Variants in GNS observed in about 807,000 individuals in gnomAD.
The protein encoded by GNS is glucosamine (N-acetyl)-6-sulfatase, also known as N-acetylglucosamine-6-sulfatase.
GNS carries 40 observed loss-of-function variants against 69.7 expected under a neutral mutation model. That is an observed-to-expected ratio of 0.57 (90% CI 0.45 to 0.75). The LOEUF (loss-of-function observed/expected upper bound fraction) is 0.75. Ranked by LOEUF, GNS falls within the 30% of genes least tolerant of loss-of-function variation. GNS has a pLI of 0.00. For synonymous variants in GNS, 243 were observed against 251.6 expected (o/e 0.97, Z 0.32); for missense variants, 565 against 685.5 (o/e 0.82, Z 1.96).
In GNS at chr12:64,739,502, G is replaced by T; in HGVS notation, c.876-3C>A. 1 of 1,445,148 alleles carries T rather than the reference G, an allele frequency of 6.9e-7. No individual in the cohort carries two copies. The highest frequency in any genetic ancestry group is 9.7e-7 in the Non-Finnish European group (1 of 1,027,404). 89.5% of individuals were successfully genotyped at this position (1,445,148 alleles called of 1,614,324 possible). A position where few individuals can be genotyped will look rare whatever the true frequency, so the allele number is the denominator to read the frequency against. ...CAACTGAGAGGAGAGTTTGCCACCT[G>T]GATGTGAACAGAAGGTAGAAATGGG... On this transcript the variant is annotated splice_polypyrimidine_tract_variant and splice_region_variant and intron_variant, in intron 7 of 13. Transcript: ENST00000258145.
intron 12 of GNS, among the ~76,000 whole-genome samples, chr12:64,721,061 G>C (rs1869012105): frequency 6.6e-6 from 1 of 152,188 alleles, no homozygotes; most frequent in South Asian, 2.1e-4. Flanking sequence ...TTGCCAGATG[G>C]GGCAGGTGAG....
At chr12:64,759,053 A>T (rs941781755) in intron 1 of GNS, 32 bp downstream of exon 1, 2 of 1,522,712 alleles carry the variant, frequency 1.3e-6, no homozygotes, top group South Asian at 2.4e-5. Flanking sequence ...AGCCCAAGAG[A>T]TAGAGGGGCG....
intron 9 of GNS, among the ~76,000 whole-genome samples, chr12:64,731,677 T>C (rs1477885674): frequency 1.3e-5 from 2 of 152,224 alleles, no homozygotes; most frequent in Non-Finnish European, 2.9e-5. Flanking sequence ...CTACCTCTGG[T>C]TTTTATATAA....
chr12:64,747,932 GA>G lies in GNS; in HGVS notation c.253-15del, dbSNP rs774144462. On this transcript the variant is annotated splice_polypyrimidine_tract_variant and intron_variant, in intron 2 of 13. Transcript: ENST00000258145. ...ACTTGGCACATACTACAAAGGAAAG[GA>G]AGCAAAAACGACAAAGTCACACAAG... The G allele has an allele frequency of 6.8e-7, 1 of 1,479,746 alleles. No individual in the cohort carries two copies. Among genetic ancestry groups the G allele is most frequent in the Non-Finnish European group, 9.4e-7 (1 of 1,058,718 alleles). The allele number at this position is 1,479,746 out of a possible 1,614,324, so 91.7% of individuals were successfully genotyped here. A position where few individuals can be genotyped will look rare whatever the true frequency, so the allele number is the denominator to read the frequency against.
At chr12:64,753,812 A>C (rs1375216252) in intron 1 of GNS, among the ~76,000 whole-genome samples, 1 of 152,226 alleles carries the variant, frequency 6.6e-6, no homozygotes, top group Non-Finnish European at 1.5e-5. Flanking sequence ...GTAGATCCAG[A>C]AGAGGCTGCC....
intron 1 of GNS, among the ~76,000 whole-genome samples, chr12:64,754,948 CA>C (rs1870202070): frequency 6.6e-6 from 1 of 150,904 alleles, no homozygotes; most frequent in African/African-American, 2.4e-5. Context: ...AACTATAGTA[CA>C]AAAGACAACC....
At chr12:64,734,653 C>A (rs1465873948) in intron 9 of GNS, among the ~76,000 whole-genome samples, 1 of 152,206 alleles carries the variant, frequency 6.6e-6, no homozygotes, top group South Asian at 2.1e-4. Context: ...TCTGGGCCTT[C>A]GCATTTACCG....
intron 10 of GNS, 53 bp downstream of exon 10, chr12:64,728,903 C>T (rs1869295241): frequency 1.2e-6 from 1 of 848,730 alleles, no homozygotes; most frequent in Non-Finnish European, 2.1e-6. Flanking sequence ...CTTTACACAA[C>T]CCAGAATTTA....
intron 2 of GNS, among the ~76,000 whole-genome samples, chr12:64,749,572 T>C (rs1444825923): frequency 6.6e-6 from 1 of 152,180 alleles, no homozygotes; most frequent in African/African-American, 2.4e-5. Flanking sequence ...TTTTAAAAAA[T>C]GGTGAGGAGG....
chr12:64,759,062 C>T (rs1179770908), intron 1 of GNS, 23 bp downstream of exon 1: 3 of 1,540,468 alleles, frequency 1.9e-6, no homozygotes, highest in Non-Finnish European at 2.6e-6. Context: ...GATAGAGGGG[C>T]GGGGCAGAAA....
At chr12:64,719,165 C>T (rs1183462983) in intron 13 of GNS, among the ~76,000 whole-genome samples, 1 of 152,170 alleles carries the variant, frequency 6.6e-6, no homozygotes, top group Non-Finnish European at 1.5e-5. Flanking sequence ...AGTCTATCAT[C>T]GAGTTTTTCT....
intron 6 of GNS, among the ~76,000 whole-genome samples, chr12:64,741,063 A>AACTTTACCTTCCTCTAAGTTGCTTTTTTT (rs1869716087): frequency 4.2e-5 from 6 of 142,844 alleles, no homozygotes; most frequent in Non-Finnish European, 4.5e-5. Flanking sequence ...ATGGGCAAAT[A>AACTTTACCTTCCTCTAAGTTGCTTTTTTT]GGGCGTAGTG....
At chr12:64,753,228 A>C (rs1187773382) in intron 1 of GNS, among the ~76,000 whole-genome samples, 1 of 152,072 alleles carries the variant, frequency 6.6e-6, no homozygotes, top group Non-Finnish European at 1.5e-5. Context: ...CCAGACACAC[A>C]CTGTTCAACT....
chr12:64,740,352 G>T (rs1053116319), intron 7 of GNS, among the ~76,000 whole-genome samples: 1 of 152,124 alleles, frequency 6.6e-6, no homozygotes, highest in African/African-American at 2.4e-5. Context: ...CTACCACATG[G>T]TTCAAGTTTG....
intron 11 of GNS, among the ~76,000 whole-genome samples, chr12:64,722,028 CTT>C (rs879925471): frequency 8.4e-5 from 12 of 143,148 alleles, no homozygotes; most frequent in Admixed American, 2.1e-4. Flanking sequence ...TGACTCCTTT[CTT>C]TTTTTTTTTT....
Position 64,752,698 on chromosome 12 carries a change from A to G in GNS, c.252T>C (p.Ala84=). 1 of 1,456,076 alleles carries G rather than the reference A, an allele frequency of 6.9e-7. No individual in the cohort carries two copies. Among genetic ancestry groups the G allele is most frequent in the Non-Finnish European group, 9.6e-7 (1 of 1,037,750 alleles). The allele number at this position is 1,456,076 out of a possible 1,614,324, so 90.2% of individuals were successfully genotyped here. A position where few individuals can be genotyped will look rare whatever the true frequency, so the allele number is the denominator to read the frequency against. ...AAATTGAATTAACTTTCAAACTTAC[A>G]GCACTGGAAAAAGTCATCCCCATCT... ...IGEMGMTFSS[A]YVPSALCCPS... The change falls in exon 2 of 14, where the codon GCT becomes GCC. Residue 84 remains alanine (A), a splice_region_variant and synonymous_variant. Coordinates refer to ENST00000258145, the MANE Select transcript of GNS (RefSeq NM_002076.4).
chr12:64,757,469 G>A (rs977790269), intron 1 of GNS, among the ~76,000 whole-genome samples: 1 of 152,152 alleles, frequency 6.6e-6, no homozygotes, highest in Non-Finnish European at 1.5e-5. Context: ...AAGTGCAGTA[G>A]TTGGAAGAGT....
chr12:64,758,056 AT>A (rs1870316136), intron 1 of GNS, among the ~76,000 whole-genome samples: 1 of 152,166 alleles, frequency 6.6e-6, no homozygotes, highest in Non-Finnish European at 1.5e-5. Flanking sequence ...CTGGGCCTCC[AT>A]GGGGAAGGGG....
rs751285991 is a variant in GNS, at chr12:64,747,815, C to A, written c.356G>T (p.Ser119Ile). The A allele has an allele frequency of 2.5e-6, 4 of 1,606,402 alleles. No individual in the cohort carries two copies. The highest frequency in any genetic ancestry group is 2.2e-5 in the South Asian group (2 of 90,962). ...VVNNTLEGNC[S>I]SKSWQKIQEP... ...TTGGATCTTCTGCCAGGACTTACTA[C>A]TGCAGTTCCCCTCCAGAGTGTTGTT... The change falls in exon 3 of 14, where the codon AGT becomes ATT. Residue 119 changes from serine (S) to isoleucine (I), a missense_variant. Around this residue, in one of 2 missense-constraint regions of GNS, gnomAD observed 181 missense variants for 174.4 expected, o/e 1.04. Transcript: ENST00000258145.
Sources: gnomAD v4.1 joint callset for allele counts (sites outside exome capture counted in the v4.1 genomes callset) on GRCh38, gnomAD v4.1.1 for gene constraint, gnomAD v4.1.1 regional missense constraint, MANE v1.5 for transcripts, NCBI Gene and HGNC (gene_info 2026-07-23, HGNC 2026-07-21) for gene names.